Variants in NRG3 observed in about 807,000 individuals in gnomAD.
The protein encoded by NRG3 is neuregulin 3, also known as pro-neuregulin-3, membrane-bound isoform.
NRG3 carries 31 observed loss-of-function variants against 66.9 expected under a neutral mutation model. The ratio of observed to expected loss-of-function variants is 0.46; its 90% confidence interval spans 0.35 to 0.63. NRG3 has a LOEUF of 0.63. Among genes scored for constraint, NRG3 ranks in the 20% least tolerant of loss-of-function variants. NRG3 has a pLI of 0.00. For synonymous variants in NRG3, 393 were observed against 359.4 expected, an observed-to-expected ratio of 1.09 and a Z score of -1.06; for missense variants, 910 against 878.9, an observed-to-expected ratio of 1.04 and a Z score of -0.45.
chr10:82,350,376 A>T (rs764501877), intron 1 of NRG3, among the ~76,000 whole-genome samples: 32 of 152,200 alleles, frequency 2.1e-4, no homozygotes, highest in Admixed American at 3.9e-4. Flanking sequence ...AATTATGGTG[A>T]TACAGAGACT....
At chr10:82,160,498 T>TTTTTGTTTTG (rs961239763) in intron 1 of NRG3, among the ~76,000 whole-genome samples, 1 of 151,850 alleles carries the variant, frequency 6.6e-6, no homozygotes, top group Admixed American at 6.6e-5. Flanking sequence ...AATTTCTTTT[T>TTTTTGTTTTG]TTTTGTTTTG....
intron 2 of NRG3, among the ~76,000 whole-genome samples, chr10:82,686,213 G>A (rs573769181): frequency 2.1e-4 from 31 of 150,568 alleles, no homozygotes; most frequent in African/African-American, 7.6e-4. Flanking sequence ...TGGAGATGGA[G>A]TTTAGCTCTT....
intron 1 of NRG3, among the ~76,000 whole-genome samples, chr10:81,900,691 A>G (rs1318195856): frequency 6.6e-6 from 1 of 152,246 alleles, no homozygotes; most frequent in Non-Finnish European, 1.5e-5. Context: ...TATGTTTTAT[A>G]GGTATGATTT....
Position 82,819,338 on chromosome 10 carries a change from A to T in NRG3, c.1028-46073A>T, listed in dbSNP as rs545627145. 6.6e-5 allele frequency among the ~76,000 whole-genome samples: 10 copies of T among 152,358 alleles called. No individual in the cohort carries two copies. The South Asian group carries it at 2.1e-3, about 32-fold the overall frequency. ...TAAACATACATAAGCTGTCAAATAA[A>T]TCATTCTGAATGATGTGGTAGAAAG... On this transcript the variant is annotated intron_variant, in intron 3 of 8. Transcript: ENST00000372141.
intron 1 of NRG3, among the ~76,000 whole-genome samples, chr10:82,063,012 G>A (rs2064246774): frequency 2.0e-5 from 3 of 152,100 alleles, no homozygotes; most frequent in South Asian, 4.1e-4. Context: ...CCCCATTAGT[G>A]TTAGGGTACA....
intron 2 of NRG3, among the ~76,000 whole-genome samples, chr10:82,547,484 A>AGTATATAGTGT (rs1590615134): frequency 7.2e-6 from 1 of 139,380 alleles, no homozygotes; most frequent in East Asian, 2.0e-4. Context: ...TATATATTCC[A>AGTATATAGTGT]GTATATACAT....
At chr10:82,831,732 T>C (rs2062534842) in intron 3 of NRG3, among the ~76,000 whole-genome samples, 1 of 152,140 alleles carries the variant, frequency 6.6e-6, no homozygotes, top group Admixed American at 6.5e-5. Context: ...GAGGATTGCT[T>C]GAATCTGAGA....
At chr10:82,252,478 T>C (rs1412368735) in intron 1 of NRG3, among the ~76,000 whole-genome samples, 1 of 152,204 alleles carries the variant, frequency 6.6e-6, no homozygotes, top group East Asian at 1.9e-4. Context: ...TGCCTACTTC[T>C]ATGTGATTCT....
chr10:81,953,606 A>G (rs1006686055), intron 1 of NRG3, among the ~76,000 whole-genome samples: 4 of 152,224 alleles, frequency 2.6e-5, no homozygotes, highest in Non-Finnish European at 4.4e-5. Flanking sequence ...AAATAGTATC[A>G]TAGACTCCAT....
chr10:82,890,698 G>T (rs866936092), intron 4 of NRG3, among the ~76,000 whole-genome samples: 1 of 152,242 alleles, frequency 6.6e-6, no homozygotes, highest in South Asian at 2.1e-4. Flanking sequence ...AGACACTTTT[G>T]TGTTGTGGTT....
At chr10:82,132,820 G>T (rs1196410185) in intron 1 of NRG3, among the ~76,000 whole-genome samples, 3 of 151,104 alleles carry the variant, frequency 2.0e-5, no homozygotes, top group African/African-American at 7.3e-5. Context: ...ATGTATCTAG[G>T]AATTTATCCT....
chr10:82,044,885 A>G (rs561740506), intron 1 of NRG3, among the ~76,000 whole-genome samples: 47 of 152,026 alleles, frequency 3.1e-4, no homozygotes, highest in African/African-American at 1.1e-3. Flanking sequence ...GTCCCTACAA[A>G]GGATATGAAC....
intron 1 of NRG3, among the ~76,000 whole-genome samples, chr10:82,148,929 T>C (rs549140233): frequency 6.6e-6 from 1 of 152,086 alleles, no homozygotes; most frequent in South Asian, 2.1e-4. Flanking sequence ...AAACTGGCAA[T>C]ATAAATGAGT....
At chr10:82,799,331 G>A (rs2060931471) in intron 3 of NRG3, among the ~76,000 whole-genome samples, 1 of 151,992 alleles carries the variant, frequency 6.6e-6, no homozygotes, top group African/African-American at 2.4e-5. Context: ...GTTCAAACCA[G>A]CCTGGCCAAT....
intron 1 of NRG3, among the ~76,000 whole-genome samples, chr10:82,030,246 A>G (rs888502912): frequency 2.0e-5 from 3 of 152,110 alleles, no homozygotes; most frequent in Non-Finnish European, 4.4e-5. Flanking sequence ...AGATATGAAT[A>G]AGGCTGTTGA....
At chr10:82,893,068 C>T (rs1020251174) in intron 4 of NRG3, among the ~76,000 whole-genome samples, 15 of 151,902 alleles carry the variant, frequency 9.9e-5, no homozygotes, top group Admixed American at 7.2e-4. Context: ...AATAAATAAT[C>T]AAAAATTTAA....
At chr10:82,795,420 A>G (rs993068094) in intron 3 of NRG3, among the ~76,000 whole-genome samples, 7 of 152,156 alleles carry the variant, frequency 4.6e-5, no homozygotes, top group African/African-American at 1.4e-4. Context: ...TTTATTCCTT[A>G]CTATTATATT....
intron 1 of NRG3, among the ~76,000 whole-genome samples, chr10:82,108,779 T>C (rs189264511): frequency 1.3e-5 from 2 of 152,270 alleles, no homozygotes; most frequent in East Asian, 3.9e-4. Context: ...ACTTTGATGT[T>C]CCTTACAGAA....
chr10:82,239,867 A>T (rs570090092), intron 1 of NRG3, among the ~76,000 whole-genome samples: 4 of 152,140 alleles, frequency 2.6e-5, no homozygotes, highest in South Asian at 2.1e-4. Context: ...CTATTAAACA[A>T]TGAAATAGTT....
Sources: allele counts gnomAD v4.1 joint callset (sites outside exome capture counted in the v4.1 genomes callset), GRCh38; gene constraint gnomAD v4.1.1; transcripts MANE v1.5; gene names NCBI Gene and HGNC (gene_info 2026-07-23, HGNC 2026-07-21).